Variants in ATXN7L1 observed in about 807,000 individuals in gnomAD.
ATXN7L1 encodes the protein ataxin-7-like protein 1.
Under a neutral mutation model 70.8 loss-of-function variants are expected in ATXN7L1, and 15 were observed. That is an observed-to-expected ratio of 0.21 (90% CI 0.14 to 0.33). The LOEUF is 0.33. Among genes scored for constraint, ATXN7L1 ranks in the 10% least tolerant of loss-of-function variants. ATXN7L1 has a pLI of 1.00. For synonymous variants in ATXN7L1, 440 were observed against 445.1 expected (o/e 0.99, Z 0.14); for missense variants, 975 against 1,097.1 (o/e 0.89, Z 1.57).
intron 11 of ATXN7L1, among the ~76,000 whole-genome samples, chr7:105,608,431 C>T (rs1044140709): frequency 1.2e-4 from 18 of 152,268 alleles, no homozygotes; most frequent in Non-Finnish European, 2.2e-4. Flanking sequence ...GGACACAGCA[C>T]GTAGCCCTCT....
chr7:105,607,391 A>C lies in ATXN7L1; in HGVS notation c.*461T>G. 1 of 166,544 alleles carries C rather than the reference A, an allele frequency of 6.0e-6. No individual in the cohort carries two copies. Among genetic ancestry groups the C allele is most frequent in the Non-Finnish European group, 1.3e-5 (1 of 76,750 alleles). The allele number at this position is 166,544 out of a possible 1,614,324, so 10.3% of individuals were successfully genotyped here. A position where few individuals can be genotyped will look rare whatever the true frequency, so the allele number is the denominator to read the frequency against. ...CCTTTGAAGACCAGTGAGGACCCAG[A>C]GAGTGGTAGACGTAGGGATGGAAGG... On this transcript the variant is annotated 3_prime_UTR_variant, in exon 12 of 12. Coordinates refer to ENST00000419735, the MANE Select transcript of ATXN7L1 (RefSeq NM_020725.2).
At chr7:105,727,746 G>A (rs6955832) in intron 3 of ATXN7L1, among the ~76,000 whole-genome samples, 10,843 of 54,496 alleles carry the variant, frequency 0.2, 1,320 homozygotes, top group East Asian at 0.44. Context: ...GTGTATGTGT[G>A]TATATATATA....
chr7:105,833,041 C>CCTCT lies in ATXN7L1; in HGVS notation c.250+42767_250+42770dup, dbSNP rs542085345. 1.8e-4 allele frequency among the ~76,000 whole-genome samples: 27 copies of CCTCT among 152,304 alleles called. 1 individual carries two copies. In the South Asian group the frequency reaches 5.0e-3, roughly 28 times the overall value. On this transcript the variant is annotated intron_variant, in intron 2 of 11. Transcript: ENST00000419735. ...AGACCATGTCTCTCCTGATTAAAAC[C>CCTCT]CTCTAATGGCTTCTCACCACACCAG... is the stretch of plus-strand genomic sequence containing the variant.
chr7:105,778,583 C>T (rs1803109033), intron 3 of ATXN7L1, among the ~76,000 whole-genome samples: 1 of 147,832 alleles, frequency 6.8e-6, no homozygotes, highest in African/African-American at 2.5e-5. Context: ...TAATTTATTT[C>T]TAAATTTGAA....
At position 105,776,995 on chromosome 7, in the gene ATXN7L1, C is replaced by G. The variant is rs191320579; in HGVS notation, c.355+11609G>C. 1.4e-3 allele frequency among the ~76,000 whole-genome samples: 218 copies of G among 152,276 alleles called. 1 individual carries two copies. Among genetic ancestry groups the G allele is most frequent in the Middle Eastern group, 3.4e-3 (1 of 294 alleles). On this transcript the variant is annotated intron_variant, in intron 3 of 11. Transcript: ENST00000419735. ...ATGTTGGCCAGGCTGGTCTGGAACTCTTGACCTCAGGTGATCTACCCACCT... is the reference window on the plus strand; with the variant it reads ...ATGTTGGCCAGGCTGGTCTGGAACTGTTGACCTCAGGTGATCTACCCACCT...
chr7:105,752,932 T>TCATAGTGAATTGAAGAC (rs551838548), intron 3 of ATXN7L1, among the ~76,000 whole-genome samples: 1 of 152,140 alleles, frequency 6.6e-6, no homozygotes, highest in East Asian at 1.9e-4. Context: ...GCCACCAAGC[T>TCATAGTGAATTGAAGAC]CATAGTGAAT....
At chr7:105,656,492 C>T (rs1329077932) in intron 4 of ATXN7L1, among the ~76,000 whole-genome samples, 2 of 151,942 alleles carry the variant, frequency 1.3e-5, no homozygotes, top group Non-Finnish European at 2.9e-5. Context: ...GGATGCTGGG[C>T]AGCCTGTGGG....
chr7:105,660,177 A>G (rs1801360591), intron 4 of ATXN7L1, among the ~76,000 whole-genome samples: 1 of 152,098 alleles, frequency 6.6e-6, no homozygotes, highest in Non-Finnish European at 1.5e-5. Flanking sequence ...CCTGGGTGAC[A>G]CAACATCCTC....
intron 3 of ATXN7L1, chr7:105,788,365 C>T (rs184777677): frequency 2.0e-6 from 1 of 501,026 alleles, no homozygotes; most frequent in Admixed American, 3.2e-5. Flanking sequence ...AGTCTAGTCC[C>T]ATCGACCGAG....
At chr7:105,688,894 T>C (rs1790351308) in intron 3 of ATXN7L1, among the ~76,000 whole-genome samples, 3 of 152,232 alleles carry the variant, frequency 2.0e-5, no homozygotes, top group Admixed American at 2.0e-4. Flanking sequence ...GCTTACTTTC[T>C]TGTTTCACCT....
chr7:105,796,584 T>C (rs1047760693), intron 2 of ATXN7L1, among the ~76,000 whole-genome samples: 1 of 152,142 alleles, frequency 6.6e-6, no homozygotes, highest in African/African-American at 2.4e-5. Flanking sequence ...GCCAAATTCC[T>C]GAGAAGAACA....
intron 3 of ATXN7L1, 104 bp downstream of exon 3, chr7:105,788,500 G>A (rs1804652477): frequency 1.1e-6 from 1 of 944,764 alleles, no homozygotes; most frequent in Non-Finnish European, 1.7e-6. Context: ...ACAGCCTCAG[G>A]CTGAGACAAG....
At chr7:105,629,984 A>G (rs1796351887) in intron 7 of ATXN7L1, among the ~76,000 whole-genome samples, 1 of 151,242 alleles carries the variant, frequency 6.6e-6, no homozygotes, top group Non-Finnish European at 1.5e-5. Context: ...CACCTGGCTA[A>G]TTTTTTTATT....
rs1340748714 is a variant in ATXN7L1 at position 105,703,143 on chromosome 7, A to G, written c.356-37855T>C. On this transcript the variant is annotated intron_variant, in intron 3 of 11. Coordinates refer to ENST00000419735, the MANE Select transcript of ATXN7L1 (RefSeq NM_020725.2). ...AAACAAACAAACAAACAAACAAAAA[A>G]CCCCCAAAAAATTAGCTGGGCGTGG... 2.0e-5 allele frequency among the ~76,000 whole-genome samples: 3 copies of G among 148,858 alleles called. No homozygotes were observed. In the East Asian group the frequency reaches 6.2e-4, roughly 31 times the overall value.
rs1292467158 is a variant in ATXN7L1 at position 105,607,292 on chromosome 7, C to T, written c.*560G>A. Reference sequence around the variant, plus strand: ...GGAACCCCACCCACCCTCCAACTCTCCACTCCCAGCTCCTCCCCAGCAAAG... The same window carrying T: ...GGAACCCCACCCACCCTCCAACTCTTCACTCCCAGCTCCTCCCCAGCAAAG... On this transcript the variant is annotated 3_prime_UTR_variant, in exon 12 of 12. Coordinates refer to ENST00000419735, the MANE Select transcript of ATXN7L1 (RefSeq NM_020725.2). 1 of 153,350 alleles carries T rather than the reference C, an allele frequency of 6.5e-6. No individual in the cohort carries two copies. The highest frequency in any genetic ancestry group is 1.5e-5 in the Non-Finnish European group (1 of 68,918). The allele number at this position is 153,350 out of a possible 1,614,324, so 9.5% of individuals were successfully genotyped here. A position where few individuals can be genotyped will look rare whatever the true frequency, so the allele number is the denominator to read the frequency against.
chr7:105,660,804 A>G (rs1249812762), intron 4 of ATXN7L1, among the ~76,000 whole-genome samples: 1 of 151,844 alleles, frequency 6.6e-6, no homozygotes, highest in African/African-American at 2.4e-5. Context: ...GCTGGTCTTG[A>G]ACTCCTGACC....
At chr7:105,745,768 G>A (rs535719908) in intron 3 of ATXN7L1, among the ~76,000 whole-genome samples, 69 of 152,350 alleles carry the variant, frequency 4.5e-4, no homozygotes, top group African/African-American at 1.6e-3. Flanking sequence ...TACCCAGAGT[G>A]GAGCCATGAT....
chr7:105,733,283 T>C (rs1019108352), intron 3 of ATXN7L1, among the ~76,000 whole-genome samples: 2 of 152,224 alleles, frequency 1.3e-5, no homozygotes, highest in Admixed American at 6.5e-5. Flanking sequence ...TGCTCATAAA[T>C]AATTGTATCC....
At chr7:105,727,391 A>G (rs1005076916) in intron 3 of ATXN7L1, among the ~76,000 whole-genome samples, 12 of 152,102 alleles carry the variant, frequency 7.9e-5, no homozygotes, top group Admixed American at 7.2e-4. Context: ...ACAGCAGGCC[A>G]GGCGTGGTGG....
Sources: gnomAD v4.1 joint callset for allele counts (sites outside exome capture counted in the v4.1 genomes callset) on GRCh38, gnomAD v4.1.1 for gene constraint, MANE v1.5 for transcripts, NCBI Gene and HGNC (gene_info 2026-07-23, HGNC 2026-07-21) for gene names.